NR3C1: variants seen among roughly 807,000 people sequenced by gnomAD.
The protein encoded by NR3C1 is glucocorticoid receptor.
In NR3C1, 14 loss-of-function variants were observed where a neutral mutation model predicts 74.0. That is an observed-to-expected ratio of 0.19 (90% CI 0.12 to 0.30). NR3C1 has a LOEUF of 0.30. Ranked by LOEUF, NR3C1 falls within the 10% of genes least tolerant of loss-of-function variation. The pLI is 1.00. For synonymous variants in NR3C1, 308 were observed against 332.5 expected, an observed-to-expected ratio of 0.93 and a Z score of 0.80; for missense variants, 695 against 909.8, an observed-to-expected ratio of 0.76 and a Z score of 3.04.
intron 1 of NR3C1, among the ~76,000 whole-genome samples, chr5:143,417,451 T>C (rs1188332194): frequency 6.6e-6 from 1 of 152,122 alleles, no homozygotes; most frequent in Admixed American, 6.6e-5. Flanking sequence ...CTCTACCTCC[T>C]AGTAGACACA....
chr5:143,335,122 G>A, intron 2 of NR3C1, among the ~76,000 whole-genome samples: 1 of 152,178 alleles, frequency 6.6e-6, no homozygotes, highest in Non-Finnish European at 1.5e-5. Flanking sequence ...GTTTGAATAG[G>A]AGGCAATTTG....
At chr5:143,367,042 G>C (rs1833343106) in intron 2 of NR3C1, among the ~76,000 whole-genome samples, 1 of 151,986 alleles carries the variant, frequency 6.6e-6, no homozygotes, top group South Asian at 2.1e-4. Flanking sequence ...GAATCTACAA[G>C]TATATAAAAA....
intron 2 of NR3C1, among the ~76,000 whole-genome samples, chr5:143,344,073 T>C (rs887972307): frequency 1.3e-5 from 2 of 152,212 alleles, no homozygotes; most frequent in Admixed American, 1.3e-4. Flanking sequence ...CTGTATAAGA[T>C]GTAGCACCTT....
chr5:143,379,207 T>C (rs1024055548), intron 2 of NR3C1, among the ~76,000 whole-genome samples: 3 of 152,226 alleles, frequency 2.0e-5, no homozygotes, highest in South Asian at 2.1e-4. Context: ...GAATGGAGTG[T>C]GGGAGCCAGG....
At chr5:143,310,248 A>G in intron 3 of NR3C1, 35 bp from the exon 4 acceptor site, 1 of 1,403,020 alleles carries the variant, frequency 7.1e-7, no homozygotes, top group Non-Finnish European at 1.0e-6. Flanking sequence ...AAAGTTTCAC[A>G]GGTCTTCAAA....
chr5:143,401,609 A>C (rs1840298032), intron 1 of NR3C1, among the ~76,000 whole-genome samples: 1 of 152,184 alleles, frequency 6.6e-6, no homozygotes, highest in African/African-American at 2.4e-5. Flanking sequence ...GTAGTTTCTC[A>C]CTACGTTGTT....
intron 2 of NR3C1, chr5:143,333,067 A>C: frequency 3.1e-6 from 5 of 1,594,688 alleles, no homozygotes; most frequent in Non-Finnish European, 3.4e-6. Context: ...GACCTCATTC[A>C]TGAAATTGCC....
chr5:143,407,046 C>T (rs1437048813), upstream of NR3C1: 2 of 152,164 alleles, frequency 1.3e-5, no homozygotes, highest in Non-Finnish European at 2.9e-5. Context: ...ATAATTACTA[C>T]AAGAAATAGG....
rs537294868 is a variant in NR3C1 at position 143,289,058 on chromosome 5, G to A, written c.2024-6333C>T. Among the ~76,000 whole-genome samples, 8 of 138,662 alleles carry A rather than the reference G, an allele frequency of 5.8e-5. No individual in the cohort carries two copies. In the East Asian group the frequency reaches 1.3e-3, roughly 22 times the overall value. The allele number at this position is 138,662 out of a possible 152,430, so 91.0% of individuals were successfully genotyped here. A position where few individuals can be genotyped will look rare whatever the true frequency, so the allele number is the denominator to read the frequency against. On this transcript the variant is annotated intron_variant, in intron 7 of 8. Transcript: ENST00000394464. ...CTGCACTCCAGCCTGGGCAACAATA[G>A]TGAGACTCCATCTCAAAAAAAAAAA... is the stretch of plus-strand genomic sequence containing the variant.
intron 2 of NR3C1, among the ~76,000 whole-genome samples, chr5:143,344,896 A>C (rs1345546868): frequency 6.6e-6 from 1 of 151,906 alleles, no homozygotes. Context: ...ACCCCCCACA[A>C]AAAAAAGAAA....
At chr5:143,357,168 T>C (rs1041927531) in intron 2 of NR3C1, among the ~76,000 whole-genome samples, 38 of 152,224 alleles carry the variant, frequency 2.5e-4, no homozygotes, top group Admixed American at 1.6e-3. Context: ...AACGTATTGC[T>C]AGTGTATTTG....
At chr5:143,402,360 G>A (rs1840451835) in intron 1 of NR3C1, among the ~76,000 whole-genome samples, 1 of 152,200 alleles carries the variant, frequency 6.6e-6, no homozygotes. Flanking sequence ...AATGAACCAT[G>A]CCAGAGGGTC....
Position 143,279,074 on chromosome 5 carries a change from A to G in NR3C1, c.*2815T>C. 1 of 398,546 alleles carries G rather than the reference A, an allele frequency of 2.5e-6. No homozygotes were observed. The highest frequency in any genetic ancestry group is 4.4e-6 in the Non-Finnish European group (1 of 225,364). 24.7% of individuals were successfully genotyped at this position (398,546 alleles called of 1,614,324 possible). On this transcript the variant is annotated 3_prime_UTR_variant, in exon 9 of 9. Transcript: ENST00000394464. ...AACCAACTCTCACTGAAGTTACTAC[A>G]AACTTCAACAGTTTGGGTTGGGATG...
At chr5:143,334,325 T>C (rs1203179597) in intron 2 of NR3C1, among the ~76,000 whole-genome samples, 1 of 151,992 alleles carries the variant, frequency 6.6e-6, no homozygotes, top group Non-Finnish European at 1.5e-5. Flanking sequence ...GAAGTTGCAG[T>C]GAGCTGAGAT....
chr5:143,365,268 A>T (rs997014473), intron 2 of NR3C1, among the ~76,000 whole-genome samples: 4 of 152,222 alleles, frequency 2.6e-5, no homozygotes, highest in African/African-American at 9.6e-5. Context: ...AAAAGCAAAG[A>T]TTGGCAGATC....
In NR3C1 at chr5:143,413,307, A is replaced by G. The variant is rs1004356769; in HGVS notation, c.-13-12455T>C. Among the ~76,000 whole-genome samples, 3 of 152,288 alleles carry G rather than the reference A, an allele frequency of 2.0e-5. No individual in the cohort carries two copies. In the South Asian group the frequency reaches 6.2e-4, roughly 32 times the overall value. ...GTTAGCAGGACTGACTTGAATTATGAAGGGTTTTCTTCAAGTTATTTGTTT... is the reference window on the plus strand; with the variant it reads ...GTTAGCAGGACTGACTTGAATTATGGAGGGTTTTCTTCAAGTTATTTGTTT... On this transcript the variant is annotated intron_variant, in intron 1 of 8. Coordinates refer to the NR3C1 transcript ENST00000343796.
At chr5:143,328,700 G>C (rs1825210194) in intron 2 of NR3C1, among the ~76,000 whole-genome samples, 1 of 152,146 alleles carries the variant, frequency 6.6e-6, no homozygotes, top group African/African-American at 2.4e-5. Flanking sequence ...ATTTTCTTCT[G>C]CCAAATACCC....
chr5:143,319,413 A>C (rs186181326), intron 2 of NR3C1, among the ~76,000 whole-genome samples: 1 of 152,328 alleles, frequency 6.6e-6, no homozygotes, highest in Admixed American at 6.5e-5. Context: ...GAGAAAAAAA[A>C]CAAAGATATT....
rs1447605691 is a variant in NR3C1 at position 143,279,561 on chromosome 5, A to C, written c.*2328T>G. 8.6e-6 allele frequency: 5 copies of C among 583,428 alleles called. No homozygotes were observed. The highest frequency in any genetic ancestry group is 1.0e-5 in the Non-Finnish European group (4 of 383,400). 36.1% of individuals were successfully genotyped at this position (583,428 alleles called of 1,614,324 possible). A position where few individuals can be genotyped will look rare whatever the true frequency, so the allele number is the denominator to read the frequency against. On this transcript the variant is annotated 3_prime_UTR_variant, in exon 9 of 9. Coordinates refer to ENST00000394464, the MANE Select transcript of NR3C1 (RefSeq NM_000176.3). ...TAAAATATTACATTCCCTTTTAGAGAGCATTCAAAAAGCAAATGATTGTTT... is the reference window on the plus strand; with the variant it reads ...TAAAATATTACATTCCCTTTTAGAGCGCATTCAAAAAGCAAATGATTGTTT...
Sources: allele counts gnomAD v4.1 joint callset (sites outside exome capture counted in the v4.1 genomes callset), GRCh38; gene constraint gnomAD v4.1.1; transcripts MANE v1.5; gene names NCBI Gene and HGNC (gene_info 2026-07-23, HGNC 2026-07-21).